NRG1: variants seen among roughly 807,000 people sequenced by gnomAD.
The protein encoded by NRG1 is neuregulin 1, also known as pro-neuregulin-1, membrane-bound isoform.
In NRG1, 18 loss-of-function variants were observed where a neutral mutation model predicts 63.8. The observed-to-expected ratio is 0.28, with a 90% CI of 0.19 to 0.42. NRG1 has a LOEUF of 0.42. Among genes scored for constraint, NRG1 ranks in the 10% least tolerant of loss-of-function variants. NRG1 has a pLI of 1.00. For synonymous variants in NRG1, 302 were observed against 301.3 expected, an observed-to-expected ratio of 1.00 and a Z score of -0.02; for missense variants, 762 against 814.7, an observed-to-expected ratio of 0.94 and a Z score of 0.79.
chr8:32,026,542 A>T (rs1399664459), intron 1 of NRG1, among the ~76,000 whole-genome samples: 1 of 152,174 alleles, frequency 6.6e-6, no homozygotes, highest in African/African-American at 2.4e-5. Context: ...AGAATTTTCC[A>T]TTTTATTCTT....
intron 1 of NRG1, among the ~76,000 whole-genome samples, chr8:32,400,019 T>C (rs941370938): frequency 1.4e-4 from 21 of 152,314 alleles, no homozygotes; most frequent in Admixed American, 1.1e-3. Context: ...AGGGTCTTTA[T>C]AGCAGTGCAG....
chr8:31,918,247 T>G (rs373241557), intron 1 of NRG1, among the ~76,000 whole-genome samples: 1 of 152,164 alleles, frequency 6.6e-6, no homozygotes, highest in African/African-American at 2.4e-5. Context: ...TGTTGAATAG[T>G]AGTGGTGAGA....
chr8:32,545,773 G>A (rs1833007715), upstream of NRG1, among the ~76,000 whole-genome samples: 2 of 152,116 alleles, frequency 1.3e-5, no homozygotes, highest in African/African-American at 2.4e-5. Flanking sequence ...TTTTTGGACT[G>A]AGCCTTGAAT....
At chr8:32,640,812 A>G (rs1198146857) in intron 5 of NRG1, among the ~76,000 whole-genome samples, 1 of 151,904 alleles carries the variant, frequency 6.6e-6, no homozygotes, top group Non-Finnish European at 1.5e-5. Flanking sequence ...AAATATACAT[A>G]TCGGCAGGCG....
At chr8:32,647,395 T>A (rs546430306) in intron 5 of NRG1, 1 of 985,392 alleles carries the variant, frequency 1.0e-6, no homozygotes, top group Admixed American at 6.1e-5. Flanking sequence ...ACTTAATTAA[T>A]CAGCCGGCAG....
chr8:32,214,021 G>C (rs1421109388), intron 1 of NRG1, among the ~76,000 whole-genome samples: 2 of 152,188 alleles, frequency 1.3e-5, no homozygotes, highest in Non-Finnish European at 1.5e-5. Context: ...TGTAGATAAA[G>C]ATTAGTTAGG....
chr8:32,726,844 G>A (rs1822321490), intron 5 of NRG1, among the ~76,000 whole-genome samples: 1 of 149,554 alleles, frequency 6.7e-6, no homozygotes, highest in Admixed American at 6.7e-5. Context: ...AAGACAGAAA[G>A]GAATTAAAAA....
At chr8:31,987,128 C>T (rs1586278546) in intron 1 of NRG1, among the ~76,000 whole-genome samples, 1 of 151,750 alleles carries the variant, frequency 6.6e-6, no homozygotes, top group East Asian at 2.0e-4. Flanking sequence ...TGAAACCCCG[C>T]CTTTACTACA....
chr8:32,690,256 G>A (rs1563953543), intron 5 of NRG1, among the ~76,000 whole-genome samples: 3 of 152,086 alleles, frequency 2.0e-5, no homozygotes, highest in Non-Finnish European at 1.5e-5. Context: ...CCCTTTTGAA[G>A]TAATTATAGG....
intron 1 of NRG1, among the ~76,000 whole-genome samples, chr8:31,838,009 C>A (rs934353334): frequency 6.6e-6 from 1 of 151,980 alleles, no homozygotes; most frequent in Non-Finnish European, 1.5e-5. Flanking sequence ...AATGGGATTG[C>A]TGGTTCATAT....
At chr8:32,635,893 G>T (rs1355381017) in intron 5 of NRG1, among the ~76,000 whole-genome samples, 3 of 152,186 alleles carry the variant, frequency 2.0e-5, no homozygotes, top group Non-Finnish European at 4.4e-5. Context: ...GGGTGAAAGA[G>T]AAGAATATGG....
chr8:32,430,076 A>G (rs1817938738), intron 1 of NRG1, among the ~76,000 whole-genome samples: 1 of 152,084 alleles, frequency 6.6e-6, no homozygotes, highest in Admixed American at 6.6e-5. Context: ...GTGCTATCAT[A>G]ATTTGCATTT....
intron 5 of NRG1, among the ~76,000 whole-genome samples, chr8:32,644,543 T>C (rs1282947967): frequency 1.3e-5 from 2 of 152,210 alleles, no homozygotes; most frequent in Non-Finnish European, 2.9e-5. Context: ...TACATTCTTT[T>C]TCCAATTTGG....
At chr8:31,705,383 C>A (rs991748144) in intron 1 of NRG1, among the ~76,000 whole-genome samples, 3 of 152,008 alleles carry the variant, frequency 2.0e-5, no homozygotes, top group Non-Finnish European at 2.9e-5. Flanking sequence ...GCCTTCTCCA[C>A]GCTGAAACTC....
intron 1 of NRG1, among the ~76,000 whole-genome samples, chr8:31,769,981 C>T (rs1161011520): frequency 1.3e-5 from 2 of 152,088 alleles, no homozygotes; most frequent in Admixed American, 6.5e-5. Context: ...TCAGGAGTAC[C>T]GGGGAGAGAG....
At chr8:32,516,253 C>G (rs1174944806) in intron 1 of NRG1, among the ~76,000 whole-genome samples, 4 of 151,956 alleles carry the variant, frequency 2.6e-5, no homozygotes, top group Non-Finnish European at 5.9e-5. Flanking sequence ...TTATTCTGTT[C>G]CATTGGTCTA....
chr8:31,992,861 G>A lies in NRG1; in HGVS notation c.37+353430G>A, dbSNP rs146209796. 2.0e-4 allele frequency among the ~76,000 whole-genome samples: 30 copies of A among 152,064 alleles called. No homozygotes were observed. In the East Asian group the frequency reaches 5.7e-3, roughly 29 times the overall value. ...TTTCCCAGAATAAATGAGTAGAGAA[G>A]CATTTAAAGTCTCCAAAAACTCCAA... On this transcript the variant is annotated intron_variant, in intron 1 of 10. Coordinates refer to the NRG1 transcript ENST00000519301.
chr8:32,644,759 G>A (rs553894819), intron 5 of NRG1, among the ~76,000 whole-genome samples: 2 of 150,698 alleles, frequency 1.3e-5, no homozygotes, highest in South Asian at 4.2e-4. Context: ...CTCTGTAAGT[G>A]TTGGGTATTT....
At chr8:31,654,469 T>C (rs985207344) in intron 1 of NRG1, among the ~76,000 whole-genome samples, 1 of 152,234 alleles carries the variant, frequency 6.6e-6, no homozygotes, top group Non-Finnish European at 1.5e-5. Context: ...GTGTAAAGTG[T>C]AAAGAATCAT....
Sources: allele counts gnomAD v4.1 joint callset (sites outside exome capture counted in the v4.1 genomes callset), GRCh38; gene constraint gnomAD v4.1.1; transcripts MANE v1.5; gene names NCBI Gene and HGNC (gene_info 2026-07-23, HGNC 2026-07-21).